The following LRP6 variants were observed in gnomAD, a reference collection of about 807,000 sequenced individuals.
LRP6 encodes the protein LDL receptor related protein 6.
A neutral mutation model predicts 184.1 loss-of-function variants in LRP6; 43 were observed. The ratio of observed to expected loss-of-function variants is 0.23; its 90% CI spans 0.18 to 0.30. LRP6 has a LOEUF of 0.30. Among genes scored for constraint, LRP6 ranks in the 10% least tolerant of loss-of-function variants. LRP6 has a pLI of 1.00. For synonymous variants in LRP6, 719 were observed against 684.9 expected (o/e 1.05, Z -0.78); for missense variants, 1,571 against 2,005.3 (o/e 0.78, Z 4.14).
In LRP6 at chr12:12,145,717, C is replaced by T. The variant is rs1408802348; in HGVS notation, c.3397+1649G>A. 4.7e-5 allele frequency among the ~76,000 whole-genome samples: 7 copies of T among 150,318 alleles called. No homozygotes were observed. The South Asian group carries it at 8.5e-4, about 18-fold the overall frequency. On this transcript the variant is annotated intron_variant, in intron 15 of 22. Coordinates refer to ENST00000261349, the MANE Select transcript of LRP6 (RefSeq NM_002336.3). The stretch of plus-strand genomic sequence containing the variant: ...CGCCGTCTTGACTCACTGCAACCAC[C>T]GCCTCCCATGTTCAAGCGATTCTCC...
intron 19 of LRP6, among the ~76,000 whole-genome samples, chr12:12,129,350 C>T (rs1282854639): frequency 6.6e-6 from 1 of 152,164 alleles, no homozygotes; most frequent in Non-Finnish European, 1.5e-5. Context: ...AAGCATAGTC[C>T]TCCATGATTG....
intron 19 of LRP6, among the ~76,000 whole-genome samples, chr12:12,128,225 C>T (rs1949700384): frequency 6.6e-6 from 1 of 152,110 alleles, no homozygotes; most frequent in Non-Finnish European, 1.5e-5. Flanking sequence ...CTCCTGTCTT[C>T]TCTTTAAAAA....
chr12:12,199,964 C>CAAAAAAAAA (rs146224493), intron 3 of LRP6, among the ~76,000 whole-genome samples: 1 of 45,200 alleles, frequency 2.2e-5, no homozygotes, highest in African/African-American at 9.7e-5. Flanking sequence ...GACTCCATCT[C>CAAAAAAAAA]AAAAAAAAAA....
Position 12,138,337 on chromosome 12 carries a change from G to A in LRP6, c.3595C>T (p.Leu1199Phe). 6.2e-7 allele frequency: 1 copy of A among 1,613,872 alleles called. No homozygotes were observed. Among genetic ancestry groups the A allele is most frequent in the Non-Finnish European group, 8.5e-7 (1 of 1,179,790 alleles). ...SDIHAVKELNLQEYRQHPCAQ... is the reference protein window; with the variant it reads ...SDIHAVKELNFQEYRQHPCAQ... ...CATTAACACTTACTGTATTCTTGAA[G>A]GTTCAGCTCCTTTACTGCATGAATG... Residue 1199 changes from leucine (L) to phenylalanine (F), a missense_variant, in exon 16 of 23, where the codon CTT (leucine) becomes TTT (phenylalanine). By Grantham distance (22) the Leu-to-Phe change is conservative. This residue lies in a region of LRP6 where 763 missense variants were observed against 859.5 expected (regional missense o/e 0.89). Transcript: ENST00000261349.
chr12:12,185,826 T>TTG (rs35641659), intron 4 of LRP6, among the ~76,000 whole-genome samples: 59,034 of 148,722 alleles, frequency 0.4, 14,308 homozygotes, highest in East Asian at 0.75. Context: ...AGAGGCGTTT[T>TTG]TGTGTGTGTG....
intron 2 of LRP6, chr12:12,226,907 T>C (rs1864640615): frequency 6.6e-6 from 1 of 151,930 alleles, no homozygotes; most frequent in Non-Finnish European, 1.5e-5. Context: ...CACAAACTAA[T>C]GTCAGACAGC....
At position 12,116,990 on chromosome 12, in the gene LRP6, A is replaced by G. The variant is rs1049784161; in HGVS notation, c.*4136T>C. ...AAAAAAATTATAAACGTATAATTTT[A>G]TACTTGAGGTCCAAAGTCTTCTACC... On this transcript the variant is annotated 3_prime_UTR_variant, in exon 23 of 23. Coordinates refer to ENST00000261349, the MANE Select transcript of LRP6 (RefSeq NM_002336.3). 6.6e-6 allele frequency: 1 copy of G among 152,160 alleles called. No homozygotes were observed. Among genetic ancestry groups the G allele is most frequent in the Non-Finnish European group, 1.5e-5 (1 of 68,032 alleles). 9.4% of individuals were successfully genotyped at this position (152,160 alleles called of 1,614,324 possible).
At chr12:12,127,646 G>GGC (rs71435891) in intron 19 of LRP6, among the ~76,000 whole-genome samples, 5 of 151,910 alleles carry the variant, frequency 3.3e-5, no homozygotes, top group African/African-American at 9.7e-5. Flanking sequence ...TGAGCTACCC[G>GGC]TTTAAGAAGC....
At chr12:12,131,692 T>G (rs1433952318) in intron 18 of LRP6, 129 bp downstream of exon 18, 2 of 784,362 alleles carry the variant, frequency 2.5e-6, no homozygotes, top group East Asian at 4.9e-5. Context: ...CATGGCACTA[T>G]GATCAGAAGT....
At chr12:12,235,684 C>A (rs187327095) in intron 2 of LRP6, among the ~76,000 whole-genome samples, 1 of 149,914 alleles carries the variant, frequency 6.7e-6, no homozygotes, top group East Asian at 2.0e-4. Flanking sequence ...GAGCCGAGAT[C>A]GCGCCATTGC....
chr12:12,226,755 T>C (rs1278371598), intron 2 of LRP6: 1 of 152,264 alleles, frequency 6.6e-6, no homozygotes, highest in Non-Finnish European at 1.5e-5. Context: ...GACATGCAAA[T>C]TCGTGAAGCG....
At chr12:12,255,348 A>G (rs1865434560) in intron 1 of LRP6, among the ~76,000 whole-genome samples, 1 of 151,812 alleles carries the variant, frequency 6.6e-6, no homozygotes, top group African/African-American at 2.4e-5. Flanking sequence ...TGGTCATGCA[A>G]TCTGCTCACC....
At chr12:12,173,175 T>C (rs894357564) in intron 7 of LRP6, among the ~76,000 whole-genome samples, 5 of 152,190 alleles carry the variant, frequency 3.3e-5, no homozygotes, top group African/African-American at 1.2e-4. Flanking sequence ...GAAGGCATCA[T>C]GATGACGAAT....
At chr12:12,172,108 T>C (rs1863062942) in intron 7 of LRP6, among the ~76,000 whole-genome samples, 2 of 152,226 alleles carry the variant, frequency 1.3e-5, no homozygotes, top group Admixed American at 1.3e-4. Context: ...AGGGTGTACT[T>C]CACTGTATTA....
At chr12:12,239,531 C>A (rs985674493) in intron 2 of LRP6, among the ~76,000 whole-genome samples, 1 of 152,092 alleles carries the variant, frequency 6.6e-6, no homozygotes, top group Non-Finnish European at 1.5e-5. Context: ...CACAAATTAG[C>A]TGACAAACCC....
At chr12:12,204,712 T>G (rs1045609753) in intron 2 of LRP6, among the ~76,000 whole-genome samples, 1 of 151,744 alleles carries the variant, frequency 6.6e-6, no homozygotes, top group Non-Finnish European at 1.5e-5. Flanking sequence ...TCCCAGCACT[T>G]TGGGAGGCTG....
chr12:12,223,813 C>T (rs1864548624), intron 2 of LRP6, among the ~76,000 whole-genome samples: 1 of 152,186 alleles, frequency 6.6e-6, no homozygotes, highest in African/African-American at 2.4e-5. Flanking sequence ...ACATGGATCA[C>T]TCTAGCCTCC....
intron 2 of LRP6, among the ~76,000 whole-genome samples, chr12:12,232,769 T>C (rs1215601775): frequency 6.6e-6 from 1 of 152,102 alleles, no homozygotes; most frequent in Non-Finnish European, 1.5e-5. Flanking sequence ...CAATCCTCAG[T>C]GCATGCTAAA....
At chr12:12,186,139 G>T (rs563865505) in intron 4 of LRP6, among the ~76,000 whole-genome samples, 53 of 152,122 alleles carry the variant, frequency 3.5e-4, no homozygotes, top group African/African-American at 1.0e-3. Flanking sequence ...GAGCCACCGC[G>T]CCTGGCCCAA....
Sources: allele counts gnomAD v4.1 joint callset (sites outside exome capture counted in the v4.1 genomes callset), GRCh38; gene constraint gnomAD v4.1.1; regional missense constraint gnomAD v4.1.1; transcripts MANE v1.5; gene names NCBI Gene and HGNC (gene_info 2026-07-23, HGNC 2026-07-21).